The following RIN2 variants were observed in gnomAD, a reference collection of about 807,000 sequenced individuals.
RIN2 encodes the protein Ras and Rab interactor 2, also known as RAB5 interacting protein 2.
RIN2 carries 36 observed loss-of-function variants against 78.0 expected under a neutral mutation model. That is an observed-to-expected ratio of 0.46 (90% CI 0.35 to 0.61). The LOEUF (loss-of-function observed/expected upper bound fraction) is 0.61. Among genes scored for constraint, RIN2 ranks in the 20% least tolerant of loss-of-function variants. RIN2 has a pLI of 0.00. For missense variants in RIN2, 1,087 were observed against 1,159.7 expected (o/e 0.94, Z 0.91); for synonymous variants, 466 against 466.8 (o/e 1.00, Z 0.02).
chr20:19,896,181 T>A (rs1228295175), intron 3 of RIN2, among the ~76,000 whole-genome samples: 1 of 152,132 alleles, frequency 6.6e-6, no homozygotes, highest in Non-Finnish European at 1.5e-5. Context: ...TTTTTATTTT[T>A]TTTATTTTTA....
chr20:19,877,198 A>C (rs1600679142), intron 2 of RIN2, among the ~76,000 whole-genome samples: 1 of 152,146 alleles, frequency 6.6e-6, no homozygotes, highest in Admixed American at 6.5e-5. Flanking sequence ...TTACCAAGAA[A>C]CTCAGCTTCT....
At chr20:19,768,238 C>T (rs1414406853) in intron 1 of RIN2, among the ~76,000 whole-genome samples, 1 of 152,114 alleles carries the variant, frequency 6.6e-6, no homozygotes. Flanking sequence ...AGAAGCAGAC[C>T]CCGAGGTGAG....
chr20:19,844,590 GCTGCTTCTTCCTCTT>G (rs1168466948), intron 2 of RIN2, among the ~76,000 whole-genome samples: 16 of 84,748 alleles, frequency 1.9e-4, no homozygotes, highest in African/African-American at 6.1e-4. Context: ...TGCTGCTGCT[GCTGCTTCTTCCTCTT>G]CTTCTTCTTC....
At position 19,960,810 on chromosome 20, in the gene RIN2, CAGTA is replaced by C; in HGVS notation, c.463+3_463+6del. The C allele has an allele frequency of 6.3e-7, 1 of 1,576,118 alleles. No individual in the cohort carries two copies. Among genetic ancestry groups the C allele is most frequent in the Non-Finnish European group, 8.7e-7 (1 of 1,155,832 alleles). On this transcript the variant is annotated splice_donor_variant and splice_donor_region_variant and coding_sequence_variant and intron_variant, in exon 6 of 13. Coordinates refer to ENST00000255006, the MANE Select transcript of RIN2 (RefSeq NM_018993.4). LOFTEE classifies it high-confidence loss of function. ...AATTTGCCATAAAGGAAAGCACATA[CAGTA>C]AGTGGTCATTGGATGCTCAGGTCCT...
At chr20:19,907,114 G>C (rs1366001979) in intron 3 of RIN2, among the ~76,000 whole-genome samples, 1 of 152,144 alleles carries the variant, frequency 6.6e-6, no homozygotes, top group Admixed American at 6.5e-5. Flanking sequence ...GCAAGGGTAG[G>C]AGGGAGAGAG....
intron 3 of RIN2, among the ~76,000 whole-genome samples, chr20:19,927,048 C>T (rs1283203847): frequency 6.6e-6 from 1 of 152,208 alleles, no homozygotes; most frequent in Non-Finnish European, 1.5e-5. Context: ...GTGGGCAAAT[C>T]TCTAGGTTAG....
chr20:19,852,338 A>G (rs1462503269), intron 2 of RIN2, among the ~76,000 whole-genome samples: 2 of 152,126 alleles, frequency 1.3e-5, no homozygotes, highest in African/African-American at 4.8e-5. Flanking sequence ...AATTAAGCTC[A>G]TGCAACTGAT....
chr20:19,856,605 AAAGG>A (rs1015291248), intron 2 of RIN2, among the ~76,000 whole-genome samples: 13 of 149,680 alleles, frequency 8.7e-5, no homozygotes, highest in East Asian at 2.0e-4. Flanking sequence ...AGGATGGAAG[AAAGG>A]AAGGAAGGAA....
intron 3 of RIN2, among the ~76,000 whole-genome samples, chr20:19,899,897 T>C (rs75814089): frequency 0.024 from 3,671 of 152,294 alleles, 61 homozygotes; most frequent in Admixed American, 0.041. Flanking sequence ...TATCAGGCTG[T>C]GGCTTACACT....
intron 2 of RIN2, among the ~76,000 whole-genome samples, chr20:19,843,083 G>A (rs779388060): frequency 6.6e-6 from 1 of 152,134 alleles, no homozygotes; most frequent in Non-Finnish European, 1.5e-5. Flanking sequence ...TTGAATTACT[G>A]CAATCCCATG....
At chr20:19,905,298 TC>T (rs1331282803) in intron 3 of RIN2, among the ~76,000 whole-genome samples, 3 of 152,168 alleles carry the variant, frequency 2.0e-5, no homozygotes, top group Non-Finnish European at 4.4e-5. Context: ...TGTCTCATAC[TC>T]TTTGAAATAA....
intron 3 of RIN2, among the ~76,000 whole-genome samples, chr20:19,894,652 A>T (rs2038635706): frequency 6.6e-6 from 1 of 152,038 alleles, no homozygotes; most frequent in Non-Finnish European, 1.5e-5. Flanking sequence ...CCTATCCTAT[A>T]TCCACTTGGC....
At chr20:19,823,478 T>C in intron 2 of RIN2, 1 of 812,152 alleles carries the variant, frequency 1.2e-6, no homozygotes, top group East Asian at 2.4e-5. Flanking sequence ...GCACCACTGT[T>C]GATGTCATCT....
intron 2 of RIN2, chr20:19,886,690 A>G: frequency 6.5e-7 from 1 of 1,544,608 alleles, no homozygotes; most frequent in Admixed American, 2.0e-5. Context: ...CATTTTCTCA[A>G]GAATCCACTT....
chr20:19,897,594 C>T (rs188912635), intron 3 of RIN2, among the ~76,000 whole-genome samples: 317 of 152,284 alleles, frequency 2.1e-3, no homozygotes, highest in Non-Finnish European at 3.7e-3. Flanking sequence ...CCTGACCCCA[C>T]GTAACCTCCT....
chr20:19,986,888 A>G (rs562860113), intron 9 of RIN2, among the ~76,000 whole-genome samples: 2 of 152,244 alleles, frequency 1.3e-5, no homozygotes, highest in African/African-American at 4.8e-5. Flanking sequence ...ATGCACACCC[A>G]TGTAGACACA....
intron 2 of RIN2, among the ~76,000 whole-genome samples, chr20:19,847,602 G>A (rs1739327494): frequency 6.6e-6 from 1 of 152,122 alleles, no homozygotes; most frequent in South Asian, 2.1e-4. Context: ...TTGACGTGTG[G>A]CTTGTGTGAA....
intron 1 of RIN2, among the ~76,000 whole-genome samples, chr20:19,760,785 AC>A (rs1281405893): frequency 1.3e-5 from 2 of 151,998 alleles, no homozygotes; most frequent in African/African-American, 4.8e-5. Context: ...TACCTAATGA[AC>A]CTTCAAGAAT....
intron 3 of RIN2, among the ~76,000 whole-genome samples, chr20:19,907,038 C>G (rs142299562): frequency 1.3e-5 from 2 of 152,038 alleles, no homozygotes; most frequent in African/African-American, 4.8e-5. Flanking sequence ...CTGCATTTTG[C>G]GGGGGCCTTC....
Sources: gnomAD v4.1 joint callset for allele counts (sites outside exome capture counted in the v4.1 genomes callset) on GRCh38, gnomAD v4.1.1 for gene constraint, MANE v1.5 for transcripts, NCBI Gene and HGNC (gene_info 2026-07-23, HGNC 2026-07-21) for gene names.